MLXIP: variants seen among roughly 807,000 people sequenced by gnomAD.
The protein encoded by MLXIP is MLX-interacting protein.
Under a neutral mutation model 87.2 loss-of-function variants are expected in MLXIP, and 30 were observed. The ratio of observed to expected loss-of-function variants is 0.34; its 90% CI spans 0.26 to 0.47. MLXIP has a LOEUF of 0.47. Ranked by LOEUF, MLXIP falls within the 20% of genes least tolerant of loss-of-function variation. MLXIP has a pLI of 1.00. For synonymous variants in MLXIP, 530 were observed against 514.0 expected, an observed-to-expected ratio of 1.03 and a Z score of -0.42; for missense variants, 1,002 against 1,240.1, an observed-to-expected ratio of 0.81 and a Z score of 2.88.
At chr12:122,105,941 A>G (rs866539291) in intron 1 of MLXIP, among the ~76,000 whole-genome samples, 3 of 152,078 alleles carry the variant, frequency 2.0e-5, no homozygotes, top group African/African-American at 7.2e-5. Context: ...GGTTCAGACT[A>G]TAGGTTCACA....
intron 1 of MLXIP, among the ~76,000 whole-genome samples, chr12:122,107,642 T>C (rs541294310): frequency 6.6e-6 from 1 of 152,338 alleles, no homozygotes; most frequent in African/African-American, 2.4e-5. Context: ...GTTTTCTTTT[T>C]TTCCCAAAGA....
At position 122,135,034 on chromosome 12, in the gene MLXIP, C is replaced by A; in HGVS notation, c.1733-190C>A. ...AGTGTGAAAACATGGTCCTGGCCAT[C>A]TCTTTCCTGGGTCTATAACATGTCT... On this transcript the variant is annotated intron_variant, in intron 9 of 16. Coordinates refer to ENST00000319080, the MANE Select transcript of MLXIP (RefSeq NM_014938.6). This position sits in a 1 kb window ranked among gnomAD's most constrained non-coding sequence, Gnocchi z 5.3. The A allele has an allele frequency of 4.7e-6, 3 of 638,976 alleles. No homozygotes were observed. The highest frequency in any genetic ancestry group is 8.3e-6 in the Non-Finnish European group (3 of 362,730). The allele number at this position is 638,976 out of a possible 1,614,324, so 39.6% of individuals were successfully genotyped here.
At chr12:122,106,258 C>T (rs1173958208) in intron 1 of MLXIP, among the ~76,000 whole-genome samples, 1 of 148,346 alleles carries the variant, frequency 6.7e-6, no homozygotes, top group East Asian at 2.0e-4. Flanking sequence ...TCCCTTCTTT[C>T]CCTGGTTAAC....
chr12:122,114,148 C>T (rs1425281368), intron 1 of MLXIP, among the ~76,000 whole-genome samples: 2 of 151,814 alleles, frequency 1.3e-5, no homozygotes, highest in African/African-American at 4.8e-5. Context: ...CTACCACACC[C>T]GGCTAATTTT....
chr12:122,080,352 T>C (rs1317476988), intron 1 of MLXIP, among the ~76,000 whole-genome samples: 1 of 152,090 alleles, frequency 6.6e-6, no homozygotes, highest in Non-Finnish European at 1.5e-5. Flanking sequence ...CCTAGGAGAC[T>C]CCATAAACAG....
In MLXIP at chr12:122,078,810, C is replaced by T. The variant is rs1042067007; in HGVS notation, c.-44C>T. On this transcript the variant is annotated 5_prime_UTR_variant, in exon 1 of 17. Coordinates refer to ENST00000319080, the MANE Select transcript of MLXIP (RefSeq NM_014938.6). The stretch of plus-strand genomic sequence containing the variant: ...GCCCCTCTGCCTCGCGCGCTTGTCG[C>T]GTTGCCCCGGGCTCCGGGGGATGCC... 27 of 1,036,050 alleles carry T rather than the reference C, an allele frequency of 2.6e-5. No individual in the cohort carries two copies. The highest frequency in any genetic ancestry group is 3.5e-5 in the African/African-American group (2 of 57,472). The allele number at this position is 1,036,050 out of a possible 1,614,324, so 64.2% of individuals were successfully genotyped here. A position where few individuals can be genotyped will look rare whatever the true frequency, so the allele number is the denominator to read the frequency against.
At chr12:122,105,691 A>G (rs1340889225) in intron 1 of MLXIP, among the ~76,000 whole-genome samples, 2 of 151,920 alleles carry the variant, frequency 1.3e-5, no homozygotes, top group Non-Finnish European at 2.9e-5. Context: ...GGTATCTCTC[A>G]AAAACTTCCC....
intron 1 of MLXIP, among the ~76,000 whole-genome samples, chr12:122,100,285 G>T (rs187508268): frequency 1.1e-4 from 17 of 152,176 alleles, no homozygotes; most frequent in Non-Finnish European, 2.1e-4. Context: ...TGGGATTAAG[G>T]TTGGCTTGCT....
chr12:122,098,543 C>A (rs559999812), intron 1 of MLXIP, among the ~76,000 whole-genome samples: 1 of 152,332 alleles, frequency 6.6e-6, no homozygotes, highest in East Asian at 1.9e-4. Flanking sequence ...TGCAGAACAG[C>A]CAGCTCCAGC....
chr12:122,135,765 C>T lies in MLXIP; in HGVS notation c.2032+99C>T, dbSNP rs1194071847. 2.6e-5 allele frequency: 36 copies of T among 1,371,854 alleles called. No individual in the cohort carries two copies. Among genetic ancestry groups the T allele is most frequent in the Non-Finnish European group, 3.0e-5 (31 of 1,044,556 alleles). 85.0% of individuals were successfully genotyped at this position (1,371,854 alleles called of 1,614,324 possible). A position where few individuals can be genotyped will look rare whatever the true frequency, so the allele number is the denominator to read the frequency against. On this transcript the variant is annotated intron_variant, in intron 11 of 16. Transcript: ENST00000319080. This position sits in a 1 kb window ranked among gnomAD's most constrained non-coding sequence, Gnocchi z 5.3. ...TGCTTGCTGGGTCCCCAGGACGGAG[C>T]CTGGGCTTAGGACACACAGTGAGGT...
chr12:122,130,134 G>A (rs1425819620), intron 6 of MLXIP, 22 bp downstream of exon 6: 5 of 1,604,372 alleles, frequency 3.1e-6, no homozygotes, highest in South Asian at 1.1e-5. Flanking sequence ...CAGGGCCTTG[G>A]GCTTTGAACA....
intron 1 of MLXIP, among the ~76,000 whole-genome samples, chr12:122,097,247 C>T (rs1050252510): frequency 6.6e-6 from 1 of 152,082 alleles, no homozygotes; most frequent in Non-Finnish European, 1.5e-5. Context: ...CTCACTGCAG[C>T]GTTGAACCCC....
chr12:122,082,382 T>A lies in MLXIP; in HGVS notation c.413+3116T>A, dbSNP rs1216084367. ...GATGGAAAAAATCCTTATTTTTCCT[T>A]AGACTTATCTGAAGTCTAAGAATGC... On this transcript the variant is annotated intron_variant, in intron 1 of 16. Coordinates refer to ENST00000319080, the MANE Select transcript of MLXIP (RefSeq NM_014938.6). Among the ~76,000 whole-genome samples the A allele has an allele frequency of 5.9e-5, 9 of 152,352 alleles. No homozygotes were observed. The East Asian group carries it at 1.7e-3, about 29-fold the overall frequency.
chr12:122,143,447 C>T lies in MLXIP; in HGVS notation c.*1635C>T, dbSNP rs966647732. The T allele has an allele frequency of 6.6e-6, 1 of 152,370 alleles. No homozygotes were observed. Among genetic ancestry groups the T allele is most frequent in the South Asian group, 2.1e-4 (1 of 4,838 alleles). The allele number at this position is 152,370 out of a possible 1,614,324, so 9.4% of individuals were successfully genotyped here. On this transcript the variant is annotated 3_prime_UTR_variant, in exon 17 of 17. Coordinates refer to ENST00000319080, the MANE Select transcript of MLXIP (RefSeq NM_014938.6). ...GTTTACAGGCTTTCCAGATCACCTT[C>T]CTGTGGGGTGAACGTAATGAGGCGG...
intron 1 of MLXIP, among the ~76,000 whole-genome samples, chr12:122,110,113 C>G (rs1952581447): frequency 6.6e-6 from 1 of 152,164 alleles, no homozygotes; most frequent in South Asian, 2.1e-4. Flanking sequence ...ACAATCTTTA[C>G]TGAATTATCT....
rs1371605676 is a variant in MLXIP, at chr12:122,138,538, A to G, written c.2371A>G (p.Asn791Asp). 1 of 1,612,290 alleles carries G rather than the reference A, an allele frequency of 6.2e-7. No individual in the cohort carries two copies. Among genetic ancestry groups the G allele is most frequent in the Non-Finnish European group, 8.5e-7 (1 of 1,179,370 alleles). ...GCTGCGGGAGGAGATCGAGGAGCTC[A>G]ATGCCACCATCATGTGAGCTTCTGG... ...RRLREEIEEL[N>D]ATIISCQQLL... is the part of the protein sequence containing the mutation. The change falls in exon 14 of 17, where the codon AAT becomes GAT. Residue 791 changes from asparagine to aspartate, a missense_variant. Transcript: ENST00000319080.
intron 7 of MLXIP, among the ~76,000 whole-genome samples, chr12:122,131,845 G>A (rs915491723): frequency 6.7e-6 from 1 of 149,432 alleles, no homozygotes; most frequent in Non-Finnish European, 1.5e-5. Context: ...CGATCCTTCC[G>A]CTTCAGCCTC....
At chr12:122,099,773 C>T (rs1395041450) in intron 1 of MLXIP, among the ~76,000 whole-genome samples, 3 of 151,920 alleles carry the variant, frequency 2.0e-5, no homozygotes, top group Admixed American at 2.0e-4. Context: ...GAATAGTCCT[C>T]ATATCCAAAT....
At chr12:122,102,757 C>T (rs1272250175) in intron 1 of MLXIP, among the ~76,000 whole-genome samples, 2 of 152,186 alleles carry the variant, frequency 1.3e-5, no homozygotes, top group African/African-American at 2.4e-5. Flanking sequence ...ACACATGCTA[C>T]AACATGGATG....
Sources: gnomAD v4.1 joint callset for allele counts (sites outside exome capture counted in the v4.1 genomes callset) on GRCh38, gnomAD v4.1.1 for gene constraint, Gnocchi (gnomAD v3.1) non-coding constraint, MANE v1.5 for transcripts, NCBI Gene and HGNC (gene_info 2026-07-23, HGNC 2026-07-21) for gene names.